Variants in PCDHGA7 observed in about 807,000 individuals in gnomAD.
PCDHGA7 encodes protocadherin gamma-A7.
PCDHGA7 carries 44 observed loss-of-function variants against 58.3 expected under a neutral mutation model. That is an observed-to-expected ratio of 0.75 (90% CI 0.59 to 0.97). The LOEUF (loss-of-function observed/expected upper bound fraction) is 0.97. PCDHGA7 is among the 50% of genes least tolerant of loss of function. The probability of loss-of-function intolerance (pLI) is 0.00; values close to 1 mark genes in which losing one functional copy is unlikely to be tolerated. For synonymous variants in PCDHGA7, 516 were observed against 504.2 expected (o/e 1.02, Z -0.31); for missense variants, 1,266 against 1,188.7 (o/e 1.06, Z -0.96).
intron 1 of PCDHGA7, among the ~76,000 whole-genome samples, chr5:141,457,224 A>G (rs1176186371): frequency 6.6e-6 from 1 of 152,158 alleles, no homozygotes; most frequent in African/African-American, 2.4e-5. Flanking sequence ...GTGGTAGGTA[A>G]TTTCCATCTA....
intron 1 of PCDHGA7, chr5:141,441,578 C>T (rs889509502): frequency 2.9e-5 from 6 of 207,738 alleles, no homozygotes; most frequent in Non-Finnish European, 5.9e-5. Flanking sequence ...CCAACCTAGA[C>T]TTGGGACCCA....
chr5:141,500,084 C>T (rs1354544132), intron 2 of PCDHGA7, among the ~76,000 whole-genome samples: 1 of 152,030 alleles, frequency 6.6e-6, no homozygotes, highest in Non-Finnish European at 1.5e-5. Flanking sequence ...CCTCCATCTT[C>T]CATTTTTGCA....
At chr5:141,406,185 A>G (rs1204342088) in intron 1 of PCDHGA7, among the ~76,000 whole-genome samples, 1 of 150,712 alleles carries the variant, frequency 6.6e-6, no homozygotes, top group Non-Finnish European at 1.5e-5. Flanking sequence ...CAATCCTCCC[A>G]CCTCAGCCTT....
At chr5:141,400,008 C>A (rs1395195387) in intron 1 of PCDHGA7, 1 of 1,612,692 alleles carries the variant, frequency 6.2e-7, no homozygotes, top group South Asian at 1.1e-5. Flanking sequence ...CAGCGCGTGC[C>A]TTGGGCGACA....
intron 1 of PCDHGA7, among the ~76,000 whole-genome samples, chr5:141,447,779 A>T (rs770299374): frequency 2.0e-5 from 3 of 152,210 alleles, no homozygotes; most frequent in Non-Finnish European, 4.4e-5. Flanking sequence ...ACTTTAATTG[A>T]AAATAAATTT....
chr5:141,409,657 C>T (rs13184346), intron 1 of PCDHGA7: 1 of 1,613,620 alleles, frequency 6.2e-7, no homozygotes, highest in Non-Finnish European at 8.5e-7. Context: ...GGCTCAATGG[C>T]CACATCTCCT....
intron 1 of PCDHGA7, chr5:141,475,916 G>C (rs1396506642): frequency 1.7e-6 from 1 of 595,408 alleles, no homozygotes; most frequent in Non-Finnish European, 2.9e-6. Flanking sequence ...CAATGAAGAC[G>C]CTGGAGATCG....
rs754294132 is a variant in PCDHGA7, at chr5:141,389,121, A to G, written c.2424+3798A>G. ...AGATGCTGTTCTAGACCGCGAGCAG[A>G]ATCCAGAGTACAATATAACCGTTAC... is the stretch of plus-strand genomic sequence containing the variant. On this transcript the variant is annotated intron_variant, in intron 1 of 3. Coordinates refer to ENST00000518325, the MANE Select transcript of PCDHGA7 (RefSeq NM_018920.4). The G allele has an allele frequency of 1.1e-5, 17 of 1,613,910 alleles. No individual in the cohort carries two copies. In the Admixed American group the frequency reaches 2.8e-4, roughly 27 times the overall value.
chr5:141,490,985 C>T lies in PCDHGA7; in HGVS notation c.2425-3822C>T. On this transcript the variant is annotated intron_variant, in intron 1 of 3. Transcript: ENST00000518325. This position sits in a 1 kb window ranked among gnomAD's most constrained non-coding sequence, Gnocchi z 5.4. ...TCAGCCCCCCAGCGTCTCCCTCGCT[C>T]TGCTCCTCCTGGCTCCTTGGTCACC... The T allele has an allele frequency of 1.9e-6, 3 of 1,614,128 alleles. No individual in the cohort carries two copies. The highest frequency in any genetic ancestry group is 2.5e-6 in the Non-Finnish European group (3 of 1,180,032).
At chr5:141,388,594 A>G in intron 1 of PCDHGA7, 1 of 1,613,936 alleles carries the variant, frequency 6.2e-7, no homozygotes, top group Non-Finnish European at 8.5e-7. Context: ...GATGCCAATG[A>G]TAATGCTCCA....
intron 1 of PCDHGA7, among the ~76,000 whole-genome samples, chr5:141,386,717 A>G (rs2090680763): frequency 6.6e-6 from 1 of 152,214 alleles, no homozygotes; most frequent in South Asian, 2.1e-4. Flanking sequence ...TGCTGACACC[A>G]ACAATGTTAC....
intron 1 of PCDHGA7, chr5:141,395,506 G>T: frequency 4.6e-6 from 2 of 433,794 alleles, no homozygotes; most frequent in Non-Finnish European, 8.1e-6. Flanking sequence ...CACTTAAGAA[G>T]TAGCTACCCG....
At chr5:141,481,533 T>TG (rs1246139713) in intron 1 of PCDHGA7, among the ~76,000 whole-genome samples, 2 of 152,200 alleles carry the variant, frequency 1.3e-5, no homozygotes, top group Admixed American at 6.5e-5. Context: ...AATCTAGAGA[T>TG]GGGGCTGGGC....
intron 1 of PCDHGA7, chr5:141,404,640 T>C (rs368593595): frequency 1.6e-5 from 26 of 1,614,092 alleles, no homozygotes; most frequent in East Asian, 2.2e-5. Context: ...CCAGAAATCC[T>C]GTACCCTGCC....
intron 1 of PCDHGA7, chr5:141,392,823 C>A: frequency 6.3e-7 from 1 of 1,599,890 alleles, no homozygotes; most frequent in Non-Finnish European, 8.5e-7. Flanking sequence ...AATGGCCGCT[C>A]CACAGAGTCG....
chr5:141,434,010 T>C (rs772136259), intron 1 of PCDHGA7, among the ~76,000 whole-genome samples: 26 of 152,224 alleles, frequency 1.7e-4, no homozygotes, highest in Non-Finnish European at 3.1e-4. Flanking sequence ...TATATGTTTG[T>C]TTCTATGATT....
intron 1 of PCDHGA7, chr5:141,418,035 T>C: frequency 6.2e-7 from 1 of 1,614,000 alleles, no homozygotes; most frequent in Non-Finnish European, 8.5e-7. Context: ...CTTAGTGTCC[T>C]GGATGTGTCG....
Position 141,422,343 on chromosome 5 carries a change from G to T in PCDHGA7, c.2424+37020G>T, listed in dbSNP as rs764862139. ...GTACAGTGATTGCTCTTCTAAATGT[G>T]CAAGATCAAGATTCTGGAGAAAATG... On this transcript the variant is annotated intron_variant, in intron 1 of 3. Transcript: ENST00000518325. 1.9e-6 allele frequency: 3 copies of T among 1,551,388 alleles called. No individual in the cohort carries two copies. The East Asian group carries it at 6.7e-5, about 35-fold the overall frequency.
chr5:141,482,859 G>A (rs1371172226), intron 1 of PCDHGA7, among the ~76,000 whole-genome samples: 3 of 148,230 alleles, frequency 2.0e-5, no homozygotes, highest in Admixed American at 6.7e-5. Flanking sequence ...ATCACTTGAG[G>A]TCAGGAGTTT....
Sources: allele counts gnomAD v4.1 joint callset (sites outside exome capture counted in the v4.1 genomes callset), GRCh38; gene constraint gnomAD v4.1.1; non-coding constraint Gnocchi (gnomAD v3.1); transcripts MANE v1.5; gene names NCBI Gene and HGNC (gene_info 2026-07-23, HGNC 2026-07-21).